SDCCAG8: variants seen among roughly 807,000 people sequenced by gnomAD.
SDCCAG8 encodes the protein SHH signaling and ciliogenesis regulator SDCCAG8, also known as serologically defined colon cancer antigen 8.
SDCCAG8 carries 74 observed loss-of-function variants against 101.8 expected under a neutral mutation model. That is an observed-to-expected ratio of 0.73 (90% CI 0.60 to 0.88). SDCCAG8 has a LOEUF of 0.88. Ranked by LOEUF, SDCCAG8 falls within the 40% of genes least tolerant of loss-of-function variation. The pLI is 0.00. For synonymous variants in SDCCAG8, 281 were observed against 292.9 expected (o/e 0.96, Z 0.41); for missense variants, 787 against 822.6 (o/e 0.96, Z 0.53).
chr1:243,383,385 G>A (rs1412316081), intron 13 of SDCCAG8, among the ~76,000 whole-genome samples: 1 of 152,198 alleles, frequency 6.6e-6, no homozygotes, highest in Non-Finnish European at 1.5e-5. Flanking sequence ...CCTATAAAAT[G>A]AGGTGAGGCT....
intron 12 of SDCCAG8, among the ~76,000 whole-genome samples, chr1:243,368,383 A>C (rs968662869): frequency 2.6e-5 from 4 of 152,152 alleles, no homozygotes; most frequent in Admixed American, 6.6e-5. Flanking sequence ...CTTTTTAGTT[A>C]TGTTCTCTCC....
intron 12 of SDCCAG8, among the ~76,000 whole-genome samples, chr1:243,368,768 T>C (rs749732754): frequency 9.9e-5 from 15 of 152,128 alleles, no homozygotes; most frequent in Non-Finnish European, 1.6e-4. Context: ...TGTACAGTGA[T>C]ATCAGACCCT....
chr1:243,435,599 A>T (rs766681913), intron 16 of SDCCAG8, among the ~76,000 whole-genome samples: 7 of 152,202 alleles, frequency 4.6e-5, no homozygotes, highest in African/African-American at 9.6e-5. Context: ...TTAGTCTGTG[A>T]ACCAAAATAC....
chr1:243,270,425 A>G (rs1166163639), intron 2 of SDCCAG8, among the ~76,000 whole-genome samples, 168 bp downstream of exon 2: 2 of 152,204 alleles, frequency 1.3e-5, no homozygotes, highest in Non-Finnish European at 2.9e-5. Flanking sequence ...TGACTTCCCA[A>G]TGCTTATAGG....
At chr1:243,264,097 T>C (rs1044700552) in intron 1 of SDCCAG8, among the ~76,000 whole-genome samples, 2 of 152,220 alleles carry the variant, frequency 1.3e-5, no homozygotes, top group African/African-American at 4.8e-5. Flanking sequence ...GCTGGGCGCT[T>C]CGCAGGGAGT....
intron 16 of SDCCAG8, among the ~76,000 whole-genome samples, chr1:243,468,137 C>A (rs983104275): frequency 6.6e-6 from 1 of 151,870 alleles, no homozygotes; most frequent in Non-Finnish European, 1.5e-5. Context: ...TGAACTTAGG[C>A]AAGATATTGT....
intron 13 of SDCCAG8, among the ~76,000 whole-genome samples, chr1:243,400,200 C>T (rs913737629): frequency 1.3e-5 from 2 of 152,198 alleles, no homozygotes; most frequent in Non-Finnish European, 2.9e-5. Context: ...TGTTAGTGCA[C>T]ACTGTGACTC....
rs376439930 is a variant in SDCCAG8, at chr1:243,308,194, G to A, written c.929+17G>A. ...ACTGGTTAAGTAAGTATGCTTCTAC[G>A]CGCACGGAGACTTTGGCAATATGGA... On this transcript the variant is annotated intron_variant, in intron 8 of 17. Coordinates refer to ENST00000366541, the MANE Select transcript of SDCCAG8 (RefSeq NM_006642.5). The A allele has an allele frequency of 2.7e-5, 44 of 1,613,776 alleles. No individual in the cohort carries two copies. In the African/African-American group the frequency reaches 4.4e-4, roughly 16 times the overall value.
intron 17 of SDCCAG8, among the ~76,000 whole-genome samples, chr1:243,490,252 G>A (rs908955384): frequency 2.0e-5 from 3 of 152,332 alleles, no homozygotes; most frequent in South Asian, 4.1e-4. Context: ...CAGGCGCCAC[G>A]GAGCTAAGGC....
intron 8 of SDCCAG8, among the ~76,000 whole-genome samples, chr1:243,313,755 G>C (rs2072980719): frequency 1.3e-5 from 2 of 152,320 alleles, no homozygotes; most frequent in Non-Finnish European, 1.5e-5. Context: ...CATTGTGAGA[G>C]CCTCATTCAG....
At chr1:243,278,928 G>A (rs1484318601) in intron 4 of SDCCAG8, among the ~76,000 whole-genome samples, 2 of 152,036 alleles carry the variant, frequency 1.3e-5, no homozygotes, top group African/African-American at 4.8e-5. Context: ...GACCACAGGT[G>A]CACACCACCA....
intron 17 of SDCCAG8, among the ~76,000 whole-genome samples, chr1:243,490,329 G>T (rs113873048): frequency 6.6e-6 from 1 of 152,222 alleles, no homozygotes; most frequent in Non-Finnish European, 1.5e-5. Context: ...GTGGGGGAGC[G>T]GGCCGCTCAA....
intron 9 of SDCCAG8, among the ~76,000 whole-genome samples, chr1:243,319,564 G>T (rs1325032184): frequency 1.3e-5 from 2 of 151,896 alleles, no homozygotes; most frequent in Non-Finnish European, 2.9e-5. Flanking sequence ...GTAGAGACAG[G>T]GTTTCACAAT....
At chr1:243,430,530 C>T (rs190395009) in intron 16 of SDCCAG8, among the ~76,000 whole-genome samples, 4 of 152,148 alleles carry the variant, frequency 2.6e-5, no homozygotes, top group South Asian at 2.1e-4. Flanking sequence ...CTGCAAGCTC[C>T]GCCTCCCAGG....
chr1:243,346,682 A>G (rs944980379), intron 12 of SDCCAG8, among the ~76,000 whole-genome samples: 3 of 152,102 alleles, frequency 2.0e-5, no homozygotes, highest in Non-Finnish European at 2.9e-5. Context: ...TCTTCTTTAT[A>G]TTGTGTCAGG....
intron 16 of SDCCAG8, chr1:243,476,259 G>A (rs868194203): frequency 8.1e-6 from 8 of 985,354 alleles, no homozygotes; most frequent in South Asian, 4.7e-5. Context: ...TTGGACAGAA[G>A]AGGAGCTAAA....
At chr1:243,278,358 C>G (rs572656166) in intron 4 of SDCCAG8, among the ~76,000 whole-genome samples, 17 of 152,070 alleles carry the variant, frequency 1.1e-4, no homozygotes, top group Non-Finnish European at 2.2e-4. Flanking sequence ...ATAGCTGGGA[C>G]TACAGGTGTG....
intron 16 of SDCCAG8, among the ~76,000 whole-genome samples, chr1:243,483,183 C>T (rs1189787005): frequency 3.3e-5 from 5 of 152,034 alleles, no homozygotes; most frequent in Non-Finnish European, 7.4e-5. Context: ...GGGCACGGGG[C>T]GGCGGCTGCG....
intron 1 of SDCCAG8, chr1:243,269,129 C>G (rs1329448156): frequency 6.6e-6 from 1 of 152,322 alleles, no homozygotes; most frequent in Non-Finnish European, 1.5e-5. Flanking sequence ...GCTTAGGGCT[C>G]CCAAAAGCAA....
Sources: gnomAD v4.1 joint callset for allele counts (sites outside exome capture counted in the v4.1 genomes callset) on GRCh38, gnomAD v4.1.1 for gene constraint, MANE v1.5 for transcripts, NCBI Gene and HGNC (gene_info 2026-07-23, HGNC 2026-07-21) for gene names.